The following BAALC variants were observed in gnomAD, a reference collection of about 807,000 sequenced individuals.
BAALC encodes the protein BAALC binder of MAP3K1 and KLF4.
BAALC carries 9 observed loss-of-function variants against 15.5 expected under a neutral mutation model. The ratio of observed to expected loss-of-function variants is 0.58; its 90% CI spans 0.35 to 1.02. The LOEUF (loss-of-function observed/expected upper bound fraction) is 1.02, where lower values mean the gene tolerates loss of function less well. Among genes scored for constraint, BAALC ranks in the 50% least tolerant of loss-of-function variants. The probability of loss-of-function intolerance (pLI) is 0.02; values close to 1 mark genes in which losing one functional copy is unlikely to be tolerated. For missense variants in BAALC, 201 were observed against 192.4 expected (o/e 1.04, Z -0.27); for synonymous variants, 80 against 74.6 (o/e 1.07, Z -0.37).
chr8:103,168,493 C>T (rs1248035184), intron 1 of BAALC, among the ~76,000 whole-genome samples: 2 of 147,870 alleles, frequency 1.4e-5, no homozygotes, highest in Non-Finnish European at 3.0e-5. Flanking sequence ...ATGTTTGCTG[C>T]ATTAAAAATA....
At chr8:103,144,544 A>T (rs1810842081) in intron 1 of BAALC, among the ~76,000 whole-genome samples, 1 of 152,166 alleles carries the variant, frequency 6.6e-6, no homozygotes, top group Non-Finnish European at 1.5e-5. Context: ...TCCAAGGAGA[A>T]AGGAAGTCTC....
At chr8:103,163,567 C>T (rs201929514) in intron 1 of BAALC, among the ~76,000 whole-genome samples, 178 of 152,284 alleles carry the variant, frequency 1.2e-3, no homozygotes, top group African/African-American at 4.0e-3. Flanking sequence ...TTATTCCTAT[C>T]TTTCTCTGCA....
At chr8:103,196,486 G>T (rs1240778641) in intron 1 of BAALC, among the ~76,000 whole-genome samples, 1 of 151,972 alleles carries the variant, frequency 6.6e-6, no homozygotes, top group Non-Finnish European at 1.5e-5. Context: ...TTGCCATGTT[G>T]CCCACACTGG....
At chr8:103,178,877 A>C (rs1051502006) in intron 1 of BAALC, among the ~76,000 whole-genome samples, 2 of 145,612 alleles carry the variant, frequency 1.4e-5, no homozygotes, top group African/African-American at 5.3e-5. Context: ...AAAAAAAAAA[A>C]GTTAATTTAA....
At chr8:103,210,946 C>T (rs1405304235) in intron 1 of BAALC, among the ~76,000 whole-genome samples, 1 of 151,952 alleles carries the variant, frequency 6.6e-6, no homozygotes, top group Admixed American at 6.5e-5. Flanking sequence ...ATCTTGAAAA[C>T]ATTGTTTCAT....
At chr8:103,144,876 C>T (rs1224762882) in intron 1 of BAALC, among the ~76,000 whole-genome samples, 2 of 152,138 alleles carry the variant, frequency 1.3e-5, no homozygotes, top group Admixed American at 1.3e-4. Context: ...CTTACTGGGG[C>T]CTGGTGCTTT....
chr8:103,212,066 T>C (rs1281182271), intron 1 of BAALC, among the ~76,000 whole-genome samples: 1 of 152,222 alleles, frequency 6.6e-6, no homozygotes, highest in Admixed American at 6.5e-5. Context: ...TGAGGCTATT[T>C]ATTTAAACTT....
At chr8:103,212,625 G>C (rs1411921748) in intron 1 of BAALC, among the ~76,000 whole-genome samples, 1 of 152,152 alleles carries the variant, frequency 6.6e-6, no homozygotes, top group Non-Finnish European at 1.5e-5. Context: ...AGGGGATTAG[G>C]TAAATAAATG....
At chr8:103,204,601 G>A (rs1315063445) in intron 1 of BAALC, among the ~76,000 whole-genome samples, 2 of 152,152 alleles carry the variant, frequency 1.3e-5, no homozygotes, top group African/African-American at 4.8e-5. Flanking sequence ...TGTATATGGT[G>A]TGAAGTAGGG....
intron 1 of BAALC, among the ~76,000 whole-genome samples, chr8:103,181,582 T>C (rs528457425): frequency 6.6e-6 from 1 of 152,246 alleles, no homozygotes; most frequent in East Asian, 1.9e-4. Context: ...AGGAATATCT[T>C]TAGGTAACCC....
intron 1 of BAALC, among the ~76,000 whole-genome samples, chr8:103,196,284 TTGTTA>T (rs1369697123): frequency 1.3e-5 from 2 of 149,440 alleles, no homozygotes; most frequent in Admixed American, 6.6e-5. Context: ...TTTGTTGTTA[TTGTTA>T]TCGTTTTTTG....
intron 1 of BAALC, among the ~76,000 whole-genome samples, chr8:103,208,028 C>G (rs570317916): frequency 6.6e-6 from 1 of 152,322 alleles, no homozygotes; most frequent in East Asian, 1.9e-4. Flanking sequence ...TGCCAATCCC[C>G]CAAGCTGGCC....
intron 2 of BAALC, among the ~76,000 whole-genome samples, chr8:103,227,639 T>A (rs1029437030): frequency 5.9e-5 from 9 of 152,182 alleles, no homozygotes; most frequent in Admixed American, 5.9e-4. Flanking sequence ...ATGAGACAAA[T>A]GCATATTTGA....
chr8:103,197,260 GC>G (rs1395516274), intron 1 of BAALC, among the ~76,000 whole-genome samples: 2 of 152,086 alleles, frequency 1.3e-5, no homozygotes. Context: ...GCAGATCTGG[GC>G]GGAAGCCTGG....
chr8:103,149,583 T>C (rs1251655096), intron 1 of BAALC, among the ~76,000 whole-genome samples: 1 of 152,206 alleles, frequency 6.6e-6, no homozygotes, highest in East Asian at 1.9e-4. Flanking sequence ...GTGAAGGTGA[T>C]GTTTAAAGTT....
At chr8:103,195,923 GA>G (rs1812085848) in intron 1 of BAALC, among the ~76,000 whole-genome samples, 1 of 152,200 alleles carries the variant, frequency 6.6e-6, no homozygotes, top group Admixed American at 6.5e-5. Flanking sequence ...ATGCACCAAA[GA>G]GAAGTGCACT....
chr8:103,213,481 G>T (rs1331349567), intron 2 of BAALC: 3 of 159,364 alleles, frequency 1.9e-5, no homozygotes, highest in African/African-American at 7.2e-5. Flanking sequence ...TTGGAAACAA[G>T]CCTCGCATTT....
At chr8:103,166,784 C>T (rs1251179950) in intron 1 of BAALC, among the ~76,000 whole-genome samples, 26 of 152,126 alleles carry the variant, frequency 1.7e-4, no homozygotes, top group Admixed American at 1.7e-3. Context: ...GAAAATTGTA[C>T]CTATTTAATA....
intron 1 of BAALC, among the ~76,000 whole-genome samples, chr8:103,151,299 G>T (rs556320659): frequency 6.6e-6 from 1 of 152,122 alleles, no homozygotes; most frequent in Admixed American, 6.5e-5. Flanking sequence ...TTACAGGTGT[G>T]AGCCACCTCA....
Sources: allele counts gnomAD v4.1 joint callset (sites outside exome capture counted in the v4.1 genomes callset), GRCh38; gene constraint gnomAD v4.1.1; transcripts MANE v1.5; gene names NCBI Gene and HGNC (gene_info 2026-07-23, HGNC 2026-07-21).